EAF2: variants seen among roughly 807,000 people sequenced by gnomAD.
EAF2 encodes ELL associated factor 2, also known as ELL-associated factor 2.
Under a neutral mutation model 29.4 loss-of-function variants are expected in EAF2, and 29 were observed. The ratio of observed to expected loss-of-function variants is 0.99; its 90% CI spans 0.73 to 1.35. The LOEUF is 1.35. Among genes scored for constraint, EAF2 ranks in the 40% most tolerant of loss-of-function variants. The pLI, the probability that EAF2 is intolerant of heterozygous loss-of-function variation, is 0.00. For missense variants in EAF2, 292 were observed against 312.0 expected, an observed-to-expected ratio of 0.94 and a Z score of 0.48; for synonymous variants, 103 against 102.5, an observed-to-expected ratio of 1.00 and a Z score of -0.03.
intron 2 of EAF2, among the ~76,000 whole-genome samples, chr3:121,849,485 G>T (rs1708588895): frequency 6.6e-6 from 1 of 152,170 alleles, no homozygotes; most frequent in Admixed American, 6.5e-5. Context: ...CTTGTCATTG[G>T]TGCTGAGATT....
At chr3:121,867,513 A>G (rs1231118957) in intron 4 of EAF2, among the ~76,000 whole-genome samples, 1 of 152,226 alleles carries the variant, frequency 6.6e-6, no homozygotes, top group Non-Finnish European at 1.5e-5. Context: ...GCTGAAAGAA[A>G]AAAAATGTTA....
intron 5 of EAF2, among the ~76,000 whole-genome samples, chr3:121,873,893 C>T (rs1217995133): frequency 6.6e-6 from 1 of 151,838 alleles, no homozygotes; most frequent in African/African-American, 2.4e-5. Context: ...CCACAAGCTC[C>T]TATCTTTTAC....
intron 2 of EAF2, among the ~76,000 whole-genome samples, chr3:121,850,664 C>T (rs1220670543): frequency 6.6e-6 from 1 of 152,086 alleles, no homozygotes; most frequent in Non-Finnish European, 1.5e-5. Context: ...TTAGCTCTTA[C>T]ATTATACATT....
chr3:121,879,873 A>G (rs918208448), intron 5 of EAF2, among the ~76,000 whole-genome samples: 2 of 151,888 alleles, frequency 1.3e-5, no homozygotes, highest in Non-Finnish European at 2.9e-5. Flanking sequence ...ATTTGGCATC[A>G]TCTGTGGTTC....
At chr3:121,875,245 T>A (rs981951344) in intron 5 of EAF2, among the ~76,000 whole-genome samples, 2 of 151,642 alleles carry the variant, frequency 1.3e-5, no homozygotes, top group African/African-American at 4.8e-5. Context: ...AAAAGGAGAC[T>A]GGAAGAAATA....
At chr3:121,843,811 T>C (rs989652690) in intron 1 of EAF2, among the ~76,000 whole-genome samples, 1 of 152,166 alleles carries the variant, frequency 6.6e-6, no homozygotes, top group Non-Finnish European at 1.5e-5. Flanking sequence ...ACAGATTTGG[T>C]TAAATTATAC....
At chr3:121,840,186 CA>C (rs1327019418) in intron 1 of EAF2, among the ~76,000 whole-genome samples, 1 of 91,942 alleles carries the variant, frequency 1.1e-5, no homozygotes, top group African/African-American at 4.8e-5. Flanking sequence ...GAGATTCTCT[CA>C]GGAAAAAAAA....
chr3:121,879,213 AT>A (rs1280405744), intron 5 of EAF2, among the ~76,000 whole-genome samples: 3 of 152,156 alleles, frequency 2.0e-5, no homozygotes, highest in Admixed American at 1.3e-4. Context: ...TTATTTGCGC[AT>A]TTTTAATTGG....
intron 5 of EAF2, among the ~76,000 whole-genome samples, chr3:121,877,718 T>C (rs900162976): frequency 6.6e-6 from 1 of 152,018 alleles, no homozygotes; most frequent in African/African-American, 2.4e-5. Flanking sequence ...GCAGTTTTGG[T>C]ACTTCCAAGG....
chr3:121,866,998 A>T (rs966556226), intron 4 of EAF2, among the ~76,000 whole-genome samples: 1 of 152,216 alleles, frequency 6.6e-6, no homozygotes, highest in African/African-American at 2.4e-5. Context: ...GATGGAAATT[A>T]TAGAACTGAC....
intron 2 of EAF2, among the ~76,000 whole-genome samples, chr3:121,854,485 A>G (rs1035727161): frequency 3.9e-5 from 6 of 152,092 alleles, no homozygotes; most frequent in Non-Finnish European, 5.9e-5. Flanking sequence ...CCTTTCCTCA[A>G]TGACAGCAGC....
At chr3:121,863,207 C>G (rs962996827) in intron 4 of EAF2, among the ~76,000 whole-genome samples, 1 of 152,236 alleles carries the variant, frequency 6.6e-6, no homozygotes, top group Non-Finnish European at 1.5e-5. Flanking sequence ...GGGAGAACCA[C>G]TGCTGTCTTC....
intron 5 of EAF2, among the ~76,000 whole-genome samples, chr3:121,879,225 T>C (rs920367573): frequency 6.6e-6 from 1 of 152,194 alleles, no homozygotes; most frequent in Non-Finnish European, 1.5e-5. Context: ...TTTTAATTGG[T>C]ATTATATGGG....
Position 121,872,781 on chromosome 3 carries a change from T to C in EAF2, c.729T>C (p.Asn243=), listed in dbSNP as rs747885285. Residue 243 remains asparagine (N), a synonymous_variant, in exon 5 of 6, where the codon AAT becomes AAC. Transcript: ENST00000273668. Reference sequence around the variant, plus strand: ...GAGACAACAGTGGCCTTCTGATGAATACTTTAAGTAAGTATACATAAACAC... The same window carrying C: ...GAGACAACAGTGGCCTTCTGATGAACACTTTAAGTAAGTATACATAAACAC... ...RFRDNSGLLM[N]TLRNDLQLSE... is the part of the protein sequence containing the mutation. 4.4e-6 allele frequency: 7 copies of C among 1,609,080 alleles called. No individual in the cohort carries two copies. Among genetic ancestry groups the C allele is most frequent in the Non-Finnish European group, 5.1e-6 (6 of 1,177,164 alleles).
rs760173706 is a variant in EAF2 at position 121,872,685 on chromosome 3, T to C, written c.633T>C (p.Asn211=). 37 of 1,612,906 alleles carry C rather than the reference T, an allele frequency of 2.3e-5. No homozygotes were observed. Among genetic ancestry groups the C allele is most frequent in the Non-Finnish European group, 3.0e-5 (35 of 1,179,204 alleles). Residue 211 remains asparagine, a synonymous_variant, in exon 5 of 6, where the codon AAT becomes AAC. Coordinates refer to ENST00000273668, the MANE Select transcript of EAF2 (RefSeq NM_018456.6). The part of the protein sequence containing the change: ...DCKSSTSDTG[N]CVSGHPTMTQ... ...AATCCTCTACTTCTGATACAGGGAATTGTGTCTCAGGACATCCTACCATGA... is the reference window on the plus strand; with the variant it reads ...AATCCTCTACTTCTGATACAGGGAACTGTGTCTCAGGACATCCTACCATGA...
At chr3:121,854,636 A>G (rs925587814) in intron 2 of EAF2, 51 bp from the exon 3 acceptor site, 1 of 1,413,100 alleles carries the variant, frequency 7.1e-7, no homozygotes, top group African/African-American at 1.5e-5. Flanking sequence ...GGCCTTCCCA[A>G]GTGAATTCCT....
intron 5 of EAF2, 87 bp downstream of exon 5, chr3:121,872,875 A>G: frequency 6.7e-7 from 1 of 1,503,586 alleles, no homozygotes; most frequent in Non-Finnish European, 8.9e-7. Flanking sequence ...GGATAAAGAA[A>G]AAGATTCCTA....
At chr3:121,863,973 A>G (rs1252773824) in intron 4 of EAF2, among the ~76,000 whole-genome samples, 1 of 152,132 alleles carries the variant, frequency 6.6e-6, no homozygotes, top group African/African-American at 2.4e-5. Context: ...TTTTTTATGT[A>G]TGGCCAGACT....
intron 5 of EAF2, among the ~76,000 whole-genome samples, chr3:121,877,482 A>G (rs1231031296): frequency 1.3e-5 from 2 of 152,060 alleles, no homozygotes; most frequent in Non-Finnish European, 2.9e-5. Flanking sequence ...GCAATAACAG[A>G]TTTCAAAGAA....
Sources: gnomAD v4.1 joint callset for allele counts (sites outside exome capture counted in the v4.1 genomes callset) on GRCh38, gnomAD v4.1.1 for gene constraint, MANE v1.5 for transcripts, NCBI Gene and HGNC (gene_info 2026-07-23, HGNC 2026-07-21) for gene names.